PIK3C2A: variants seen among roughly 807,000 people sequenced by gnomAD.
The protein encoded by PIK3C2A is phosphatidylinositol 4-phosphate 3-kinase C2 domain-containing subunit alpha.
PIK3C2A carries 97 observed loss-of-function variants against 204.5 expected under a neutral mutation model. The observed-to-expected ratio is 0.47, with a 90% CI of 0.40 to 0.56. PIK3C2A has a LOEUF of 0.56. PIK3C2A is among the 20% of genes least tolerant of loss of function. The pLI, the probability that PIK3C2A is intolerant of heterozygous loss-of-function variation, is 0.00. For missense variants in PIK3C2A, 1,735 were observed against 1,969.2 expected, an observed-to-expected ratio of 0.88 and a Z score of 2.25; for synonymous variants, 653 against 664.4, an observed-to-expected ratio of 0.98 and a Z score of 0.26.
chr11:17,117,343 C>T, intron 19 of PIK3C2A, 148 bp downstream of exon 19: 1 of 478,718 alleles, frequency 2.1e-6, no homozygotes, highest in Non-Finnish European at 3.7e-6. Flanking sequence ...TTTAAACAAT[C>T]TTTGAATTTA....
At chr11:17,186,361 C>A (rs1229744487) in intron 1 of PIK3C2A, among the ~76,000 whole-genome samples, 2 of 151,936 alleles carry the variant, frequency 1.3e-5, no homozygotes, top group African/African-American at 4.8e-5. Flanking sequence ...CCTGCATTTC[C>A]CCCTCTAGGC....
In PIK3C2A at chr11:17,099,850, TATGCTTTACCTAGTAAAGAAA is replaced by T. The variant is rs760491544; in HGVS notation, c.4107_4118+9del. On this transcript the variant is annotated splice_donor_variant and splice_donor_5th_base_variant and coding_sequence_variant and intron_variant, in exon 26 of 33. Transcript: ENST00000691414. LOFTEE classifies it high-confidence loss of function. ...ATGTTCCTTCTGCAATATACTTAAATATGCTTTACCTAGTAAAGAAAATTGTAGCTTCTGCGTCTGTAGTTT... is the reference window on the plus strand; with the variant it reads ...ATGTTCCTTCTGCAATATACTTAAATATTGTAGCTTCTGCGTCTGTAGTTT... 8.6e-7 allele frequency: 1 copy of T among 1,164,240 alleles called. No homozygotes were observed. The highest frequency in any genetic ancestry group is 1.8e-5 in the Admixed American group (1 of 56,850). The allele number at this position is 1,164,240 out of a possible 1,614,324, so 72.1% of individuals were successfully genotyped here. A position where few individuals can be genotyped will look rare whatever the true frequency, so the allele number is the denominator to read the frequency against.
intron 22 of PIK3C2A, 125 bp from the exon 23 acceptor site, chr11:17,105,430 C>T: frequency 5.1e-6 from 4 of 777,900 alleles, no homozygotes; most frequent in Non-Finnish European, 8.1e-6. Flanking sequence ...GCAGAATGTG[C>T]AAGTTTGTTA....
chr11:17,111,426 T>A (rs1848995975), intron 21 of PIK3C2A, among the ~76,000 whole-genome samples: 2 of 152,248 alleles, frequency 1.3e-5, no homozygotes, highest in South Asian at 4.1e-4. Flanking sequence ...CTTAAAAAAA[T>A]TAACCCCCCA....
intron 11 of PIK3C2A, among the ~76,000 whole-genome samples, chr11:17,132,294 C>T (rs1590944089): frequency 6.6e-6 from 1 of 150,928 alleles, no homozygotes; most frequent in Admixed American, 6.6e-5. Context: ...CATAATAACA[C>T]CAGCTGAATA....
chr11:17,169,315 G>A lies in PIK3C2A; in HGVS notation c.427C>T (p.Pro143Ser). The A allele has an allele frequency of 4.3e-6, 7 of 1,614,134 alleles. No individual in the cohort carries two copies. Among genetic ancestry groups the A allele is most frequent in the Non-Finnish European group, 5.9e-6 (7 of 1,180,010 alleles). Reference sequence around the variant, plus strand: ...GTGGAAGGCCCAGGTAATCCAGGTGGCCACTGTCCTCTCTGAATAGTAGGT... The same window carrying A: ...GTGGAAGGCCCAGGTAATCCAGGTGACCACTGTCCTCTCTGAATAGTAGGT... ...FRPTIQRGQW[P>S]PGLPGPSTYA... The change falls in exon 2 of 33, where the codon CCA becomes TCA. Residue 143 changes from proline (P) to serine (S), a missense_variant. Physicochemically the swap from Pro to Ser is moderately conservative, Grantham distance 74 (BLOSUM62 -1). This residue lies in a region of PIK3C2A where 536 missense variants were observed against 546.7 expected (regional missense o/e 0.98). Transcript: ENST00000691414.
intron 9 of PIK3C2A, 24 bp from the exon 10 acceptor site, chr11:17,135,183 A>C (rs1055392416): frequency 1.2e-6 from 2 of 1,608,510 alleles, no homozygotes; most frequent in Non-Finnish European, 1.7e-6. Flanking sequence ...CACACACACA[A>C]TAGTCAGAAA....
At chr11:17,188,285 G>C (rs1851822689) in intron 1 of PIK3C2A, among the ~76,000 whole-genome samples, 1 of 146,314 alleles carries the variant, frequency 6.8e-6, no homozygotes, top group South Asian at 2.1e-4. Context: ...ATTGCAGTGA[G>C]CTGAGATCAT....
In PIK3C2A at chr11:17,134,822, G is replaced by A; in HGVS notation, c.2105C>T (p.Ser702Leu). 1 of 1,610,208 alleles carries A rather than the reference G, an allele frequency of 6.2e-7. No individual in the cohort carries two copies. The highest frequency in any genetic ancestry group is 8.5e-7 in the Non-Finnish European group (1 of 1,176,432). Reference sequence around the variant, plus strand: ...GGCTGCTTAAACAGTTACTTACTTTGATACCCAATTACTTGAAATTCCATG... The same window carrying A: ...GGCTGCTTAAACAGTTACTTACTTTAATACCCAATTACTTGAAATTCCATG... ...AAHGISSNWVSNYEKYYLICS... is the reference protein window; with the variant it reads ...AAHGISSNWVLNYEKYYLICS... The change falls in exon 11 of 33, where the codon TCA becomes TTA. Residue 702 changes from serine (S) to leucine (L), a missense_variant. Coordinates refer to ENST00000691414, the MANE Select transcript of PIK3C2A (RefSeq NM_002645.4).
chr11:17,178,002 A>C (rs1401243722), intron 1 of PIK3C2A, among the ~76,000 whole-genome samples: 1 of 150,828 alleles, frequency 6.6e-6, no homozygotes, highest in Non-Finnish European at 1.5e-5. Flanking sequence ...CTGAGGAAGA[A>C]GAACTGCTTG....
In PIK3C2A at chr11:17,155,647, T is replaced by G; in HGVS notation, c.1066-18A>C. Reference sequence around the variant, plus strand: ...GGGTCTTTCTGTAATTAAAAAAGTGTTTTTATTTTAAAAGTGGAAGATCCA... The same window carrying G: ...GGGTCTTTCTGTAATTAAAAAAGTGGTTTTATTTTAAAAGTGGAAGATCCA... On this transcript the variant is annotated intron_variant, in intron 2 of 32. Transcript: ENST00000691414. The G allele has an allele frequency of 1.4e-6, 2 of 1,460,412 alleles. No individual in the cohort carries two copies. The highest frequency in any genetic ancestry group is 1.9e-6 in the Non-Finnish European group (2 of 1,044,136). The allele number at this position is 1,460,412 out of a possible 1,614,324, so 90.5% of individuals were successfully genotyped here. A position where few individuals can be genotyped will look rare whatever the true frequency, so the allele number is the denominator to read the frequency against.
chr11:17,188,332 C>T (rs1343345170), intron 1 of PIK3C2A, among the ~76,000 whole-genome samples: 2 of 145,418 alleles, frequency 1.4e-5, no homozygotes, highest in African/African-American at 5.7e-5. Flanking sequence ...CAGAGTGAGA[C>T]CCTGTCTCAA....
chr11:17,171,421 C>T (rs1452945466), intron 1 of PIK3C2A, among the ~76,000 whole-genome samples: 1 of 149,992 alleles, frequency 6.7e-6, no homozygotes. Flanking sequence ...ATACGTGAGA[C>T]AAGGAGGTAG....
At chr11:17,148,420 C>T in intron 5 of PIK3C2A, 1 of 397,468 alleles carries the variant, frequency 2.5e-6, no homozygotes. Context: ...CTGCCTGAAA[C>T]TCTTCCTGTA....
rs565804717 is a variant in PIK3C2A at position 17,150,042 on chromosome 11, T to A, written c.1327+456A>T. Among the ~76,000 whole-genome samples, 3 of 152,154 alleles carry A rather than the reference T, an allele frequency of 2.0e-5. No homozygotes were observed. The East Asian group carries it at 5.8e-4, about 29-fold the overall frequency. On this transcript the variant is annotated intron_variant, in intron 4 of 32. Transcript: ENST00000691414. ...TTAGTTTTTAAAACTATAAAAAAAATTTCCTACAGACTTTGGGAATACATC... is the reference window on the plus strand; with the variant it reads ...TTAGTTTTTAAAACTATAAAAAAAAATTCCTACAGACTTTGGGAATACATC...
intron 2 of PIK3C2A, among the ~76,000 whole-genome samples, chr11:17,156,385 C>CTT (rs1287591099): frequency 1.3e-5 from 2 of 151,960 alleles, no homozygotes; most frequent in South Asian, 2.1e-4. Flanking sequence ...CACAAAAAGA[C>CTT]TTTTTTTTCT....
Position 17,169,100 on chromosome 11 carries a change from G to A in PIK3C2A, c.642C>T (p.Ile214=). 6.2e-7 allele frequency: 1 copy of A among 1,614,184 alleles called. No individual in the cohort carries two copies. Among genetic ancestry groups the A allele is most frequent in the Non-Finnish European group, 8.5e-7 (1 of 1,180,020 alleles). The change falls in exon 2 of 33, where the codon ATC becomes ATT. Residue 214 remains isoleucine (I), a synonymous_variant. Transcript: ENST00000691414. ...TGTCAGTACTGACTACTGGACGATA[G>A]ATAGGTAAGCTTCCTTGTGGATGAA... ...TPFHPQGSLP[I]YRPVVSTDMA...
At chr11:17,201,402 C>T (rs1159952770) in intron 1 of PIK3C2A, among the ~76,000 whole-genome samples, 1 of 151,122 alleles carries the variant, frequency 6.6e-6, no homozygotes, top group East Asian at 1.9e-4. Context: ...TGACGTGTGC[C>T]TGTAATCCCA....
intron 13 of PIK3C2A, among the ~76,000 whole-genome samples, chr11:17,123,421 G>GT (rs555389887): frequency 0.12 from 14,237 of 121,136 alleles, 897 homozygotes; most frequent in Middle Eastern, 0.23. Flanking sequence ...GCTAATTCTT[G>GT]TTTTTTTTTT....
Sources: allele counts gnomAD v4.1 joint callset (sites outside exome capture counted in the v4.1 genomes callset), GRCh38; gene constraint gnomAD v4.1.1; regional missense constraint gnomAD v4.1.1; transcripts MANE v1.5; gene names NCBI Gene and HGNC (gene_info 2026-07-23, HGNC 2026-07-21).